Variants in DNM3 observed in about 807,000 individuals in gnomAD.
The protein encoded by DNM3 is dynamin 3, also known as dynamin-3.
DNM3 carries 47 observed loss-of-function variants against 101.6 expected under a neutral mutation model. That is an observed-to-expected ratio of 0.46 (90% CI 0.37 to 0.59). DNM3 has a LOEUF of 0.59. DNM3 is among the 20% of genes least tolerant of loss of function. The probability of loss-of-function intolerance (pLI) is 0.00; values close to 1 mark genes in which losing one functional copy is unlikely to be tolerated. For synonymous variants in DNM3, 385 were observed against 387.9 expected, an observed-to-expected ratio of 0.99 and a Z score of 0.09; for missense variants, 849 against 1,085.7, an observed-to-expected ratio of 0.78 and a Z score of 3.06.
chr1:172,163,577 T>C, intron 14 of DNM3, among the ~76,000 whole-genome samples: 1 of 151,992 alleles, frequency 6.6e-6, no homozygotes, highest in East Asian at 1.9e-4. Context: ...ACAGTAGGTT[T>C]CCGGAACTTA....
intron 1 of DNM3, among the ~76,000 whole-genome samples, chr1:171,891,625 T>G (rs1245171340): frequency 6.6e-6 from 1 of 152,196 alleles, no homozygotes; most frequent in African/African-American, 2.4e-5. Context: ...ACTTTATTTC[T>G]TATGACCTTG....
intron 11 of DNM3, among the ~76,000 whole-genome samples, chr1:172,071,638 A>T (rs772561044): frequency 4.6e-5 from 7 of 152,072 alleles, no homozygotes; most frequent in Non-Finnish European, 1.0e-4. Flanking sequence ...GGGAAAAAAA[A>T]ATCTTCAAAA....
intron 14 of DNM3, among the ~76,000 whole-genome samples, chr1:172,179,656 G>T (rs930614086): frequency 6.6e-6 from 1 of 151,470 alleles, no homozygotes; most frequent in African/African-American, 2.4e-5. Context: ...TTTCTGCTTG[G>T]ATTATTTGTG....
chr1:172,217,294 T>C (rs1233384862), intron 14 of DNM3, among the ~76,000 whole-genome samples: 4 of 152,108 alleles, frequency 2.6e-5, no homozygotes, highest in African/African-American at 9.7e-5. Flanking sequence ...CCTGTCCCTT[T>C]GAGGAGCAAC....
chr1:172,365,601 A>C (rs1050335410), intron 17 of DNM3, among the ~76,000 whole-genome samples: 2 of 151,964 alleles, frequency 1.3e-5, no homozygotes, highest in African/African-American at 4.8e-5. Flanking sequence ...ATTTTTAAAG[A>C]TTATAATAAA....
intron 14 of DNM3, among the ~76,000 whole-genome samples, chr1:172,251,852 G>C (rs2062182499): frequency 6.6e-6 from 1 of 151,996 alleles, no homozygotes; most frequent in Non-Finnish European, 1.5e-5. Context: ...TGTTCCCTGG[G>C]TCTCAAGCAT....
At chr1:172,127,559 G>A (rs999541191) in intron 13 of DNM3, among the ~76,000 whole-genome samples, 18 of 151,422 alleles carry the variant, frequency 1.2e-4, no homozygotes, top group Non-Finnish European at 2.1e-4. Flanking sequence ...ACAGGCACCC[G>A]CCAGCATGCT....
chr1:171,923,549 A>T (rs545932935), intron 2 of DNM3, among the ~76,000 whole-genome samples: 53 of 148,096 alleles, frequency 3.6e-4, no homozygotes, highest in African/African-American at 1.3e-3. Flanking sequence ...ATTTCTCGTT[A>T]TTTTTGTATA....
chr1:172,042,060 G>A lies in DNM3; in HGVS notation c.1044G>A (p.Gly348=), dbSNP rs1270497476. 6.2e-7 allele frequency: 1 copy of A among 1,609,880 alleles called. No homozygotes were observed. The highest frequency in any genetic ancestry group is 8.5e-7 in the Non-Finnish European group (1 of 1,178,780). ...TTGAGAAGAGAATTGAAGGGTCAGG[G>A]GATCAAGTAGATACCCTGGAACTCT... is the stretch of plus-strand genomic sequence containing the variant. The part of the protein sequence containing the change: ...VDFEKRIEGS[G]DQVDTLELSG... Residue 348 remains glycine (G), a synonymous_variant, in exon 8 of 21, where the codon GGG becomes GGA. Transcript: ENST00000627582.
At chr1:172,316,219 G>A (rs12072328) in intron 16 of DNM3, among the ~76,000 whole-genome samples, 11,059 of 151,874 alleles carry the variant, frequency 0.073, 461 homozygotes, top group African/African-American at 0.1. Context: ...GGCCTGCCCT[G>A]AAAGAGCTCC....
At chr1:172,083,057 TTGATAGGTATTTGC>T in intron 12 of DNM3, among the ~76,000 whole-genome samples, 1 of 152,232 alleles carries the variant, frequency 6.6e-6, no homozygotes, top group East Asian at 1.9e-4. Flanking sequence ...CACCCACTTC[TTGATAGGTATTTGC>T]TGCACAGGCA....
At chr1:172,072,919 C>T (rs1264124668) in intron 11 of DNM3, among the ~76,000 whole-genome samples, 1 of 152,030 alleles carries the variant, frequency 6.6e-6, no homozygotes, top group African/African-American at 2.4e-5. Context: ...GTTAACTGTT[C>T]TTCAAGCCTG....
intron 2 of DNM3, among the ~76,000 whole-genome samples, chr1:171,985,086 C>T (rs752721618): frequency 1.3e-4 from 19 of 151,918 alleles, no homozygotes; most frequent in Non-Finnish European, 2.6e-4. Context: ...AAAGGAGATC[C>T]ACATTTGTGT....
chr1:172,338,660 G>T, intron 17 of DNM3: 1 of 323,950 alleles, frequency 3.1e-6, no homozygotes, highest in South Asian at 2.5e-5. Flanking sequence ...TGTGGCACAG[G>T]ATCAGAGCAG....
chr1:172,110,339 C>A (rs1486267270), intron 13 of DNM3, among the ~76,000 whole-genome samples: 1 of 152,230 alleles, frequency 6.6e-6, no homozygotes, highest in Non-Finnish European at 1.5e-5. Flanking sequence ...AATACATACT[C>A]CTCTCACCAC....
intron 17 of DNM3, among the ~76,000 whole-genome samples, chr1:172,326,588 T>C (rs2065947110): frequency 6.6e-6 from 1 of 152,072 alleles, no homozygotes; most frequent in South Asian, 2.1e-4. Flanking sequence ...CCATTTGATT[T>C]CCTTTTTGAA....
chr1:172,032,378 A>G (rs1458201984), intron 4 of DNM3, 24 bp from the exon 5 acceptor site: 2 of 1,558,964 alleles, frequency 1.3e-6, no homozygotes, highest in Non-Finnish European at 1.8e-6. Context: ...AAATTGTGTA[A>G]TGTTGGGTTT....
At chr1:171,988,126 A>G (rs2045393490) in intron 3 of DNM3, among the ~76,000 whole-genome samples, 2 of 152,138 alleles carry the variant, frequency 1.3e-5, no homozygotes, top group African/African-American at 4.8e-5. Context: ...ACATGTTACT[A>G]TGGTTGCATC....
rs1364188205 is a variant in DNM3, at chr1:172,253,530, CTCTCCT to C, written c.1660-42_1660-37del. 7 of 1,233,242 alleles carry C rather than the reference CTCTCCT, an allele frequency of 5.7e-6. 1 individual carries two copies. The highest frequency in any genetic ancestry group is 7.8e-6 in the Non-Finnish European group (7 of 892,540). 76.4% of individuals were successfully genotyped at this position (1,233,242 alleles called of 1,614,324 possible). On this transcript the variant is annotated intron_variant, in intron 14 of 20. Coordinates refer to ENST00000627582, the MANE Select transcript of DNM3 (RefSeq NM_015569.5). ...CTCTCCTCTCCTCTCCTCTCCTCTC[CTCTCCT>C]CTCCTCTCCCTCTTTTCTTTCTCTC...
Sources: allele counts gnomAD v4.1 joint callset (sites outside exome capture counted in the v4.1 genomes callset), GRCh38; gene constraint gnomAD v4.1.1; transcripts MANE v1.5; gene names NCBI Gene and HGNC (gene_info 2026-07-23, HGNC 2026-07-21).